Variants in TIPARP observed in about 807,000 individuals in gnomAD.
TIPARP encodes the protein TCDD inducible poly(ADP-ribose) polymerase, also known as protein mono-ADP-ribosyltransferase TIPARP.
In TIPARP, 12 loss-of-function variants were observed where a neutral mutation model predicts 56.5. That is an observed-to-expected ratio of 0.21 (90% confidence interval 0.14 to 0.34). The LOEUF (loss-of-function observed/expected upper bound fraction) is 0.34. TIPARP is among the 10% of genes least tolerant of loss of function. The pLI, the probability that TIPARP is intolerant of heterozygous loss-of-function variation, is 1.00. For missense variants in TIPARP, 604 were observed against 781.6 expected, an observed-to-expected ratio of 0.77 and a Z score of 2.71; for synonymous variants, 296 against 265.7, an observed-to-expected ratio of 1.11 and a Z score of -1.11.
intron 3 of TIPARP, among the ~76,000 whole-genome samples, chr3:156,694,790 C>T (rs773139771): frequency 1.3e-5 from 2 of 152,172 alleles, no homozygotes; most frequent in South Asian, 2.1e-4. Flanking sequence ...AATTCTGAGT[C>T]ATTTAAACAA....
At position 156,705,168 on chromosome 3, in the gene TIPARP, C is replaced by G. The variant is rs1468861855; in HGVS notation, c.*37C>G. ...ACTGCTAAATTATTTGATATGAACT[C>G]AATCCAGCATTTGTAGCAGGTTTTG... is the stretch of plus-strand genomic sequence containing the variant. On this transcript the variant is annotated 3_prime_UTR_variant, in exon 6 of 6. Coordinates refer to ENST00000295924, the MANE Select transcript of TIPARP (RefSeq NM_015508.5). 1 of 748,144 alleles carries G rather than the reference C, an allele frequency of 1.3e-6. No homozygotes were observed. Among genetic ancestry groups the G allele is most frequent in the East Asian group, 5.0e-5 (1 of 20,024 alleles). 46.3% of individuals were successfully genotyped at this position (748,144 alleles called of 1,614,324 possible).
chr3:156,693,543 C>G (rs1016244080), intron 2 of TIPARP, among the ~76,000 whole-genome samples: 1 of 151,876 alleles, frequency 6.6e-6, no homozygotes. Flanking sequence ...TTTATTTTTC[C>G]CTTCTTTTAT....
intron 2 of TIPARP, 24 bp from the exon 3 acceptor site, chr3:156,693,996 T>G (rs953292861): frequency 7.0e-6 from 11 of 1,571,150 alleles, no homozygotes; most frequent in African/African-American, 1.4e-5. Flanking sequence ...TTTTTGGGTT[T>G]TTTTTGTTTT....
chr3:156,678,514 A>T lies in TIPARP; in HGVS notation c.817A>T (p.Thr273Ser), dbSNP rs1489734415. ...VLPYHWQIKR[T>S]TTQKWQSVFN... ...GCCATATCATTGGCAGATCAAAAGGACAACTACTCAAAAGTGGCAGAGTGT... is the reference window on the plus strand; with the variant it reads ...GCCATATCATTGGCAGATCAAAAGGTCAACTACTCAAAAGTGGCAGAGTGT... Residue 273 changes from threonine (T) to serine (S), a missense_variant, in exon 2 of 6, where the codon ACA (threonine) becomes TCA (serine). Transcript: ENST00000295924. The T allele has an allele frequency of 6.2e-7, 1 of 1,614,134 alleles. No homozygotes were observed. The highest frequency in any genetic ancestry group is 1.3e-5 in the African/African-American group (1 of 74,942).
chr3:156,694,620 A>T (rs1001748132), intron 3 of TIPARP, among the ~76,000 whole-genome samples: 1 of 152,212 alleles, frequency 6.6e-6, no homozygotes, highest in Admixed American at 6.5e-5. Context: ...TCTCTGGAAG[A>T]AGTACTTGAA....
At chr3:156,698,140 A>C (rs1009346157) in intron 4 of TIPARP, among the ~76,000 whole-genome samples, 2 of 152,202 alleles carry the variant, frequency 1.3e-5, no homozygotes, top group Non-Finnish European at 2.9e-5. Context: ...CAGTTCTTTC[A>C]AGGCCGAGAG....
chr3:156,700,932 T>G (rs1361321005), intron 4 of TIPARP, among the ~76,000 whole-genome samples: 1 of 152,238 alleles, frequency 6.6e-6, no homozygotes, highest in African/African-American at 2.4e-5. Context: ...CTGTGAAACA[T>G]GCAGTATATC....
In TIPARP at chr3:156,695,825, C is replaced by CT. The variant is rs762443722; in HGVS notation, c.1087-40_1087-39insT. ...ATTTTTAACCATGATTATTAACTTT[C>CT]CTTTTTTTTTTTTTTTTTGTTCTGT... On this transcript the variant is annotated intron_variant, in intron 3 of 5. Transcript: ENST00000295924. The CT allele has an allele frequency of 5.2e-5, 37 of 712,768 alleles. No homozygotes were observed. In the African/African-American group the frequency reaches 1.1e-3, roughly 22 times the overall value. 44.2% of individuals were successfully genotyped at this position (712,768 alleles called of 1,614,324 possible).
rs1297940845 is a variant in TIPARP, at chr3:156,703,517, CTT to C, written c.1344_1345del (p.Phe448LeufsTer3). On this transcript the variant is annotated frameshift_variant, in exon 5 of 6. Coordinates refer to ENST00000295924, the MANE Select transcript of TIPARP (RefSeq NM_015508.5). LOFTEE classifies it high-confidence loss of function. Reference protein sequence around the residue: ...ICPDGVTSANFYPETWVYMHP... With the variant: ...ICPDGVTSANXYPETWVYMHP... Reference sequence around the variant, plus strand: ...GCCCAGATGGGGTCACTTCAGCAAACTTTTACCCTGAAACTTGGGTTTATATG... The same window carrying C: ...GCCCAGATGGGGTCACTTCAGCAAACTTACCCTGAAACTTGGGTTTATATG... The C allele has an allele frequency of 6.2e-7, 1 of 1,614,096 alleles. No individual in the cohort carries two copies. The highest frequency in any genetic ancestry group is 8.5e-7 in the Non-Finnish European group (1 of 1,180,042).
chr3:156,695,847 C>CTTA lies in TIPARP; in HGVS notation c.1087-17_1087-16insTAT. 13 of 580,086 alleles carry CTTA rather than the reference C, an allele frequency of 2.2e-5. No individual in the cohort carries two copies. Among genetic ancestry groups the CTTA allele is most frequent in the Non-Finnish European group, 2.3e-5 (10 of 436,550 alleles). 35.9% of individuals were successfully genotyped at this position (580,086 alleles called of 1,614,324 possible). A position where few individuals can be genotyped will look rare whatever the true frequency, so the allele number is the denominator to read the frequency against. ...TTTCCTTTTTTTTTTTTTTTTTGTT[C>CTTA]TGTTTTCTCCTCCATAGTCTGTCAT... On this transcript the variant is annotated splice_polypyrimidine_tract_variant and intron_variant, in intron 3 of 5. Transcript: ENST00000295924.
Position 156,706,330 on chromosome 3 carries a change from A to C in TIPARP, c.*1199A>C, listed in dbSNP as rs990930548. ...TTTACAAAAGTGAAAGTAGTTGTTCACAAAAGAATTCGCCATGGAATTCTT... is the reference window on the plus strand; with the variant it reads ...TTTACAAAAGTGAAAGTAGTTGTTCCCAAAAGAATTCGCCATGGAATTCTT... On this transcript the variant is annotated 3_prime_UTR_variant, in exon 6 of 6. Coordinates refer to ENST00000295924, the MANE Select transcript of TIPARP (RefSeq NM_015508.5). 4 of 152,680 alleles carry C rather than the reference A, an allele frequency of 2.6e-5. No homozygotes were observed. Among genetic ancestry groups the C allele is most frequent in the African/African-American group, 9.6e-5 (4 of 41,464 alleles). 9.5% of individuals were successfully genotyped at this position (152,680 alleles called of 1,614,324 possible).
chr3:156,700,822 A>G (rs1722827985), intron 4 of TIPARP, among the ~76,000 whole-genome samples: 1 of 152,266 alleles, frequency 6.6e-6, no homozygotes. Flanking sequence ...AGGGAAAGTA[A>G]TAAAAGGTGA....
rs1722478428 is a variant in TIPARP, at chr3:156,688,337, T to G, written c.918-5683T>G. Among the ~76,000 whole-genome samples, 5 of 137,034 alleles carry G rather than the reference T, an allele frequency of 3.6e-5. No homozygotes were observed. In the South Asian group the frequency reaches 6.8e-4, roughly 19 times the overall value. 89.9% of individuals were successfully genotyped at this position (137,034 alleles called of 152,430 possible). The stretch of plus-strand genomic sequence containing the variant: ...GTGGCAGTGAGCCTAGTTGGCACTA[T>G]TGTACTCCAGCCTGGGTGACAGAAG... On this transcript the variant is annotated intron_variant, in intron 2 of 5. Coordinates refer to ENST00000295924, the MANE Select transcript of TIPARP (RefSeq NM_015508.5).
At chr3:156,678,871 A>G (rs1301446723) in intron 2 of TIPARP, among the ~76,000 whole-genome samples, 2 of 152,250 alleles carry the variant, frequency 1.3e-5, no homozygotes, top group Non-Finnish European at 2.9e-5. Context: ...TTGCACATAC[A>G]TTAAATATTG....
chr3:156,703,357 T>TC, intron 4 of TIPARP, 67 bp from the exon 5 acceptor site: 2 of 1,492,734 alleles, frequency 1.3e-6, no homozygotes, highest in Non-Finnish European at 1.8e-6. Context: ...CTGATATAGA[T>TC]CACTATAATG....
chr3:156,703,313 C>T, intron 4 of TIPARP, 111 bp from the exon 5 acceptor site: 1 of 1,160,046 alleles, frequency 8.6e-7, no homozygotes, highest in Non-Finnish European at 1.2e-6. Context: ...AAAATAAGCA[C>T]TTAAGCTATA....
intron 4 of TIPARP, among the ~76,000 whole-genome samples, chr3:156,697,118 G>A (rs1196185787): frequency 6.6e-6 from 1 of 152,120 alleles, no homozygotes; most frequent in South Asian, 2.1e-4. Flanking sequence ...CTAAGTGCCC[G>A]TTAGAAAAAT....
intron 2 of TIPARP, among the ~76,000 whole-genome samples, chr3:156,693,129 A>G (rs1722619110): frequency 1.3e-5 from 2 of 152,120 alleles, no homozygotes; most frequent in Admixed American, 6.6e-5. Flanking sequence ...TTAATTTTTT[A>G]TATTTTCTTA....
In TIPARP at chr3:156,677,784, C is replaced by T. The variant is rs767020677; in HGVS notation, c.87C>T (p.Leu29=). 1.2e-6 allele frequency: 2 copies of T among 1,613,988 alleles called. No individual in the cohort carries two copies. The highest frequency in any genetic ancestry group is 1.7e-6 in the Non-Finnish European group (2 of 1,180,032). Reference sequence around the variant, plus strand: ...ATGACTTTTCATGCCAAATGAGACTCTCTGAGAAGATCACTCCATTGAAGA... The same window carrying T: ...ATGACTTTTCATGCCAAATGAGACTTTCTGAGAAGATCACTCCATTGAAGA... ...PPDDFSCQMR[L]SEKITPLKTC... Residue 29 remains leucine (L), a synonymous_variant, in exon 2 of 6, where the codon CTC becomes CTT. Transcript: ENST00000295924.
Sources: allele counts gnomAD v4.1 joint callset (sites outside exome capture counted in the v4.1 genomes callset), GRCh38; gene constraint gnomAD v4.1.1; transcripts MANE v1.5; gene names NCBI Gene and HGNC (gene_info 2026-07-23, HGNC 2026-07-21).